WDR5: variants seen among roughly 807,000 people sequenced by gnomAD.
WDR5 encodes WD repeat domain 5.
For synonymous variants in WDR5, 144 were observed against 161.6 expected, an observed-to-expected ratio of 0.89 and a Z score of 0.83; for missense variants, 187 against 416.9, an observed-to-expected ratio of 0.45 and a Z score of 4.80.
At chr9:134,153,226 G>T (rs1337639996) in intron 9 of WDR5, among the ~76,000 whole-genome samples, 2 of 152,200 alleles carry the variant, frequency 1.3e-5, no homozygotes, top group African/African-American at 4.8e-5. Flanking sequence ...GAGGAGGGGG[G>T]TTGTCCTCAT....
At chr9:134,140,538 C>A (rs953542994) in intron 2 of WDR5, among the ~76,000 whole-genome samples, 165 bp from the exon 3 acceptor site, 2 of 152,148 alleles carry the variant, frequency 1.3e-5, no homozygotes, top group Non-Finnish European at 2.9e-5. Flanking sequence ...ATGTGTTCCA[C>A]TTGAAAGGTA....
chr9:134,139,772 A>T (rs1831778661), intron 1 of WDR5, 48 bp from the exon 2 acceptor site: 2 of 1,216,636 alleles, frequency 1.6e-6, no homozygotes, highest in South Asian at 1.3e-5. Flanking sequence ...TCAATTTTTT[A>T]AAATATAGTT....
At chr9:134,154,866 C>T (rs1832678155) in intron 10 of WDR5, among the ~76,000 whole-genome samples, 1 of 152,254 alleles carries the variant, frequency 6.6e-6, no homozygotes, top group Admixed American at 6.5e-5. Context: ...TGGTTCTGAC[C>T]TCTGAGCATC....
intron 9 of WDR5, 61 bp downstream of exon 9, chr9:134,152,090 T>C: frequency 6.3e-7 from 1 of 1,578,658 alleles, no homozygotes; most frequent in Non-Finnish European, 8.6e-7. Context: ...CTGGGTTCAC[T>C]GCCCCTGTTC....
intron 4 of WDR5, 77 bp from the exon 5 acceptor site, chr9:134,141,872 A>T (rs1432035065): frequency 7.3e-7 from 1 of 1,375,802 alleles, no homozygotes; most frequent in Non-Finnish European, 1.0e-6. Context: ...GGCAATGGGG[A>T]TGTTTGGGAT....
Position 134,155,757 on chromosome 9 carries a change from C to G in WDR5, c.806C>G (p.Thr269Ser), listed in dbSNP as rs748173548. ...TGCATATTTGCCAATTTCTCTGTTA[C>G]TGGTGGGAAGGTGAGTCTCATAACC... ...KYCIFANFSV[T>S]GGKWIVSGSE... The change falls in exon 12 of 14, where the codon ACT becomes AGT. Residue 269 changes from threonine to serine, a missense_variant. Thr to Ser is a moderately conservative substitution (Grantham distance 58). Transcript: ENST00000358625. The G allele has an allele frequency of 1.9e-6, 3 of 1,614,116 alleles. No individual in the cohort carries two copies. The South Asian group carries it at 3.3e-5, about 18-fold the overall frequency.
Position 134,158,277 on chromosome 9 carries a change from A to T in WDR5, c.*284A>T. ...CAACAAAAGTTTTTAATTTTTTATT[A>T]CAGAAGGGTGAAGTTCAATTTAACA... On this transcript the variant is annotated 3_prime_UTR_variant, in exon 14 of 14. Coordinates refer to ENST00000358625, the MANE Select transcript of WDR5 (RefSeq NM_017588.3). The T allele has an allele frequency of 3.7e-6, 1 of 271,192 alleles. No homozygotes were observed. Among genetic ancestry groups the T allele is most frequent in the South Asian group, 8.3e-5 (1 of 12,038 alleles). 16.8% of individuals were successfully genotyped at this position (271,192 alleles called of 1,614,324 possible).
intron 8 of WDR5, among the ~76,000 whole-genome samples, chr9:134,151,463 G>A (rs1047907836): frequency 2.6e-5 from 4 of 152,232 alleles, no homozygotes; most frequent in Non-Finnish European, 5.9e-5. Flanking sequence ...TCCAGAATGC[G>A]TCTGTATTGG....
intron 7 of WDR5, among the ~76,000 whole-genome samples, chr9:134,142,950 C>G (rs1000895908): frequency 6.6e-6 from 1 of 152,126 alleles, no homozygotes; most frequent in Non-Finnish European, 1.5e-5. Flanking sequence ...GTGGGGTGCC[C>G]TGTGATGAGC....
chr9:134,151,117 T>C (rs28429050), intron 8 of WDR5, among the ~76,000 whole-genome samples: 24,152 of 152,110 alleles, frequency 0.16, 2,024 homozygotes, highest in South Asian at 0.23. Flanking sequence ...GGCAGCAGGA[T>C]GGAGCTGTTG....
At chr9:134,156,619 C>T (rs972873631) in intron 13 of WDR5, 26 bp downstream of exon 13, 11 of 1,608,776 alleles carry the variant, frequency 6.8e-6, no homozygotes, top group Non-Finnish European at 9.4e-6. Context: ...CCTGCAGTCA[C>T]TGGCTGCCTG....
chr9:134,154,467 T>C lies in WDR5; in HGVS notation c.633T>C (p.Asp211=). 2 of 1,614,178 alleles carry C rather than the reference T, an allele frequency of 1.2e-6. No homozygotes were observed. The highest frequency in any genetic ancestry group is 8.5e-7 in the Non-Finnish European group (1 of 1,180,022). Residue 211 remains aspartate, a splice_region_variant and synonymous_variant, in exon 10 of 14, where the codon GAT becomes GAC. Transcript: ENST00000358625. ...GTCACCTGTCCGTTTTTATTGCAGA[T>C]GACGACAACCCCCCCGTGTCTTTTG... ...ASGQCLKTLI[D]DDNPPVSFVK...
At chr9:134,156,755 G>C (rs1431713644) in intron 13 of WDR5, among the ~76,000 whole-genome samples, 162 bp downstream of exon 13, 2 of 152,202 alleles carry the variant, frequency 1.3e-5, no homozygotes, top group Non-Finnish European at 2.9e-5. Context: ...CTTGCCCAAG[G>C]CATGGAGCTG....
At chr9:134,136,048 G>T (rs1564184941), upstream of WDR5, 2 of 136,332 alleles carry the variant, frequency 1.5e-5, no homozygotes, top group Non-Finnish European at 3.2e-5. Context: ...CCGCCCCCCG[G>T]ACACCGCCCC....
rs1001783483 is a variant in WDR5 at position 134,155,629 on chromosome 9, G to A, written c.742-64G>A. 16 of 1,544,532 alleles carry A rather than the reference G, an allele frequency of 1.0e-5. No individual in the cohort carries two copies. The African/African-American group carries it at 1.1e-4, about 11-fold the overall frequency. ...AGTAGTGAAACGCCTTGCTTAGAAC[G>A]TAGAATTACACAAAATCAAGGGGAA... On this transcript the variant is annotated intron_variant, in intron 11 of 13. Coordinates refer to ENST00000358625, the MANE Select transcript of WDR5 (RefSeq NM_017588.3).
intron 3 of WDR5, among the ~76,000 whole-genome samples, chr9:134,141,061 A>G (rs1831862830): frequency 6.6e-6 from 1 of 152,256 alleles, no homozygotes; most frequent in South Asian, 2.1e-4. Context: ...AGGCAGGCGG[A>G]TCACGAGGTC....
At chr9:134,153,122 T>C (rs1156396608) in intron 9 of WDR5, among the ~76,000 whole-genome samples, 5 of 152,178 alleles carry the variant, frequency 3.3e-5, no homozygotes, top group African/African-American at 1.2e-4. Context: ...CTGATTGAGA[T>C]CACACCGCAC....
chr9:134,149,480 G>A (rs1044721057), intron 8 of WDR5, among the ~76,000 whole-genome samples: 2 of 152,126 alleles, frequency 1.3e-5, no homozygotes, highest in Non-Finnish European at 2.9e-5. Flanking sequence ...TACACTTCAG[G>A]AACAGCCAGA....
chr9:134,139,577 G>T (rs1355829656), intron 1 of WDR5, among the ~76,000 whole-genome samples: 1 of 152,118 alleles, frequency 6.6e-6, no homozygotes, highest in East Asian at 1.9e-4. Context: ...TAAGAAGCAC[G>T]CTTGAGGGTG....
Sources: gnomAD v4.1 joint callset for allele counts (sites outside exome capture counted in the v4.1 genomes callset) on GRCh38, gnomAD v4.1.1 for gene constraint, MANE v1.5 for transcripts, NCBI Gene and HGNC (gene_info 2026-07-23, HGNC 2026-07-21) for gene names.